Variants in ITGAE observed in about 807,000 individuals in gnomAD.
ITGAE encodes the protein integrin subunit alpha E.
Under a neutral mutation model 136.5 loss-of-function variants are expected in ITGAE, and 99 were observed. That is an observed-to-expected ratio of 0.73 (90% CI 0.62 to 0.86). The LOEUF (loss-of-function observed/expected upper bound fraction) is 0.86, where lower values mean the gene tolerates loss of function less well. Among genes scored for constraint, ITGAE ranks in the 40% least tolerant of loss-of-function variants. The pLI is 0.00. For synonymous variants in ITGAE, 613 were observed against 591.8 expected (o/e 1.04, Z -0.52); for missense variants, 1,447 against 1,515.3 (o/e 0.95, Z 0.75).
Position 3,728,100 on chromosome 17 carries a change from CT to C in ITGAE, c.2976+4del. The C allele has an allele frequency of 6.2e-7, 1 of 1,610,258 alleles. No individual in the cohort carries two copies. Among genetic ancestry groups the C allele is most frequent in the Non-Finnish European group, 8.5e-7 (1 of 1,176,438 alleles). On this transcript the variant is annotated splice_donor_region_variant and intron_variant, in intron 25 of 30. Coordinates refer to ENST00000263087, the MANE Select transcript of ITGAE (RefSeq NM_002208.5). ...ATCTACAGCTTTACAATAATAAGTACTTACATGGAAGAGGAATTCTTTGTGG... is the reference window on the plus strand; with the variant it reads ...ATCTACAGCTTTACAATAATAAGTACTACATGGAAGAGGAATTCTTTGTGG...
At chr17:3,757,930 T>C in intron 8 of ITGAE, 71 bp from the exon 9 acceptor site, 4 of 1,525,864 alleles carry the variant, frequency 2.6e-6, no homozygotes, top group Non-Finnish European at 3.6e-6. Context: ...AGAGACTTTA[T>C]TCTCTGACCT....
At position 3,724,098 on chromosome 17, in the gene ITGAE, G is replaced by C. The variant is rs1282457480; in HGVS notation, c.3085-354C>G. 3 of 1,594,452 alleles carry C rather than the reference G, an allele frequency of 1.9e-6. No homozygotes were observed. The Admixed American group carries it at 5.0e-5, about 27-fold the overall frequency. On this transcript the variant is annotated intron_variant, in intron 26 of 30. Coordinates refer to ENST00000263087, the MANE Select transcript of ITGAE (RefSeq NM_002208.5). ...CAGCGGCAGCAGCGACGCCAGCATC[G>C]GCGACCCCTCGCAGTCCGACGATCC...
At position 3,761,908 on chromosome 17, in the gene ITGAE, C is replaced by T. The variant is rs369997051; in HGVS notation, c.315+7G>A. ...AAGGCCCTCCCTCCTCTCGCTCCTG[C>T]ACTCACCAAAACACCGTGGTGGCTC... On this transcript the variant is annotated splice_region_variant and intron_variant, in intron 4 of 30. Transcript: ENST00000263087. 1.5e-5 allele frequency: 24 copies of T among 1,613,252 alleles called. No individual in the cohort carries two copies. The highest frequency in any genetic ancestry group is 1.1e-4 in the East Asian group (5 of 44,884).
intron 12 of ITGAE, 52 bp downstream of exon 12, chr17:3,755,065 G>T: frequency 7.3e-7 from 1 of 1,376,600 alleles, no homozygotes; most frequent in Non-Finnish European, 9.4e-7. Flanking sequence ...GGAGCCTCCA[G>T]GCCCCGCCCT....
chr17:3,762,519 C>A (rs2052197859), intron 3 of ITGAE, among the ~76,000 whole-genome samples: 1 of 151,568 alleles, frequency 6.6e-6, no homozygotes, highest in Non-Finnish European at 1.5e-5. Context: ...ATTTTTCAGT[C>A]ATGGAATCAC....
intron 2 of ITGAE, 116 bp downstream of exon 2, chr17:3,777,424 G>T: frequency 7.6e-7 from 1 of 1,313,404 alleles, no homozygotes; most frequent in South Asian, 1.5e-5. Flanking sequence ...AAAGAGAAAG[G>T]AGTTCCTCTC....
intron 2 of ITGAE, among the ~76,000 whole-genome samples, chr17:3,769,368 G>A (rs978223237): frequency 5.4e-5 from 8 of 147,946 alleles, no homozygotes; most frequent in Admixed American, 2.0e-4. Context: ...TGGACTGCGC[G>A]TTCCCAGGAG....
intron 1 of ITGAE, among the ~76,000 whole-genome samples, chr17:3,781,604 G>A (rs528781897): frequency 5.9e-5 from 9 of 152,050 alleles, no homozygotes; most frequent in Non-Finnish European, 1.0e-4. Flanking sequence ...TGATCCGCCC[G>A]CCTCAGCCTC....
At position 3,728,129 on chromosome 17, in the gene ITGAE, A is replaced by C; in HGVS notation, c.2952T>G (p.Ser984=). ...CATGGAAGAGGAATTCTTTGTGGTG[A>C]GAAAGCCCCTGGCCTGTGTTCACGT... The part of the protein sequence containing the change: ...IMYVNTGQGL[S]HHKEFLFHVH... The change falls in exon 25 of 31, where the codon TCT becomes TCG. Residue 984 remains serine, a synonymous_variant. Transcript: ENST00000263087. 6.2e-7 allele frequency: 1 copy of C among 1,613,576 alleles called. No individual in the cohort carries two copies.
intron 15 of ITGAE, 122 bp downstream of exon 15, chr17:3,751,528 G>A (rs1405495467): frequency 2.4e-6 from 2 of 821,404 alleles, no homozygotes; most frequent in Non-Finnish European, 3.9e-6. Context: ...CTTTCACTGG[G>A]CATTCCCAAC....
At chr17:3,717,000 TC>T (rs1424599220) in intron 29 of ITGAE, 1 of 504,146 alleles carries the variant, frequency 2.0e-6, no homozygotes, top group East Asian at 3.5e-5. Flanking sequence ...CCCAAATACT[TC>T]GTAAGAAACT....
chr17:3,744,509 C>T (rs1052313017), intron 18 of ITGAE, among the ~76,000 whole-genome samples: 1 of 148,436 alleles, frequency 6.7e-6, no homozygotes, highest in Admixed American at 6.8e-5. Flanking sequence ...TGCAGTGGCT[C>T]GATCTTGGCT....
intron 4 of ITGAE, 25 bp from the exon 5 acceptor site, chr17:3,761,545 G>C (rs879225763): frequency 6.3e-7 from 1 of 1,585,108 alleles, no homozygotes; most frequent in Non-Finnish European, 8.6e-7. Context: ...AGAGGGTGGG[G>C]AAACACCAGG....
At chr17:3,745,042 T>C (rs186104638) in intron 18 of ITGAE, among the ~76,000 whole-genome samples, 18 of 152,304 alleles carry the variant, frequency 1.2e-4, no homozygotes, top group South Asian at 6.2e-4. Context: ...ACGATCCATA[T>C]AGATCCAAAG....
At chr17:3,790,312 G>C (rs934414709) in intron 1 of ITGAE, among the ~76,000 whole-genome samples, 14 of 152,088 alleles carry the variant, frequency 9.2e-5, no homozygotes, top group African/African-American at 3.4e-4. Context: ...TTCAAGACCA[G>C]CCCAGCCAAC....
chr17:3,797,387 G>T (rs557910498), intron 1 of ITGAE, among the ~76,000 whole-genome samples: 2 of 150,636 alleles, frequency 1.3e-5, no homozygotes, highest in Non-Finnish European at 2.9e-5. Context: ...GGATGGTCTC[G>T]ATCTCCTGAC....
rs1350924545 is a variant in ITGAE, at chr17:3,723,873, C to T, written c.3085-129G>A. On this transcript the variant is annotated intron_variant, in intron 26 of 30. Coordinates refer to ENST00000263087, the MANE Select transcript of ITGAE (RefSeq NM_002208.5). Reference sequence around the variant, plus strand: ...GAGCTAGGACCCCGCGGCAGGCGGGCGCGTCCGCGTCGCACGGAAGTCTCG... The same window carrying T: ...GAGCTAGGACCCCGCGGCAGGCGGGTGCGTCCGCGTCGCACGGAAGTCTCG... 6 of 1,512,746 alleles carry T rather than the reference C, an allele frequency of 4.0e-6. No individual in the cohort carries two copies. The Admixed American group carries it at 8.7e-5, about 22-fold the overall frequency. The allele number at this position is 1,512,746 out of a possible 1,614,324, so 93.7% of individuals were successfully genotyped here.
chr17:3,728,282 T>A, intron 24 of ITGAE, 114 bp from the exon 25 acceptor site: 1 of 815,828 alleles, frequency 1.2e-6, no homozygotes, highest in Non-Finnish European at 2.1e-6. Flanking sequence ...TGGCTCAGTG[T>A]AGCCTCAACC....
At chr17:3,715,633 G>A (rs1282341497) in intron 30 of ITGAE, among the ~76,000 whole-genome samples, 3 of 152,234 alleles carry the variant, frequency 2.0e-5, no homozygotes, top group African/African-American at 7.2e-5. Flanking sequence ...TGAGAAGATG[G>A]CTCGAGCCCC....
Sources: gnomAD v4.1 joint callset for allele counts (sites outside exome capture counted in the v4.1 genomes callset) on GRCh38, gnomAD v4.1.1 for gene constraint, MANE v1.5 for transcripts, NCBI Gene and HGNC (gene_info 2026-07-23, HGNC 2026-07-21) for gene names.